GALNT2: variants seen among roughly 807,000 people sequenced by gnomAD.
The protein encoded by GALNT2 is UDP-GalNAc:polypeptide N-acetylgalactosaminyltransferase 2.
Under a neutral mutation model 81.4 loss-of-function variants are expected in GALNT2, and 31 were observed. The observed-to-expected ratio is 0.38, with a 90% confidence interval of 0.29 to 0.51. The LOEUF is 0.51. Ranked by LOEUF, GALNT2 falls within the 20% of genes least tolerant of loss-of-function variation. GALNT2 has a pLI of 0.87. For missense variants in GALNT2, 629 were observed against 765.7 expected (o/e 0.82, Z 2.11); for synonymous variants, 303 against 287.4 (o/e 1.05, Z -0.55).
intron 1 of GALNT2, among the ~76,000 whole-genome samples, chr1:230,145,420 C>G (rs1299285534): frequency 6.6e-6 from 1 of 152,220 alleles, no homozygotes; most frequent in Admixed American, 6.5e-5. Context: ...GGAAGCTCCC[C>G]CAAAGGAACC....
intron 2 of GALNT2, among the ~76,000 whole-genome samples, chr1:230,198,059 C>T (rs946543111): frequency 6.6e-6 from 1 of 152,216 alleles, no homozygotes; most frequent in Non-Finnish European, 1.5e-5. Context: ...CGGCACGCAG[C>T]GATGAGATGT....
At position 230,142,341 on chromosome 1, in the gene GALNT2, C is replaced by T. The variant is rs76769148; in HGVS notation, c.127-35877C>T. 7.2e-4 allele frequency among the ~76,000 whole-genome samples: 109 copies of T among 152,280 alleles called. 2 individuals are homozygous for T. In the East Asian group the frequency reaches 0.017, roughly 24 times the overall value. ...GGGTCTGCGAGAACTCCAGGTGGCT[C>T]TTAGAGTGGCACTGACCAAGTAGTC... On this transcript the variant is annotated intron_variant, in intron 1 of 15. Coordinates refer to ENST00000366672, the MANE Select transcript of GALNT2 (RefSeq NM_004481.5).
At chr1:230,140,066 C>G (rs1661681804) in intron 1 of GALNT2, among the ~76,000 whole-genome samples, 1 of 152,242 alleles carries the variant, frequency 6.6e-6, no homozygotes, top group African/African-American at 2.4e-5. Context: ...GTCCCTGCGT[C>G]AGCTGTACTG....
chr1:230,276,379 C>T (rs960430265), intron 15 of GALNT2, among the ~76,000 whole-genome samples: 5 of 152,092 alleles, frequency 3.3e-5, no homozygotes, highest in Admixed American at 6.5e-5. Flanking sequence ...TGCCCCTGTT[C>T]TTACAGTCGG....
chr1:230,203,776 A>G (rs1478454149), intron 3 of GALNT2, among the ~76,000 whole-genome samples: 1 of 152,212 alleles, frequency 6.6e-6, no homozygotes, highest in East Asian at 1.9e-4. Flanking sequence ...CAGGAGGGAC[A>G]GGTGCCACAT....
chr1:230,274,622 G>T (rs1666237283), intron 15 of GALNT2, 58 bp downstream of exon 15: 1 of 1,605,702 alleles, frequency 6.2e-7, no homozygotes, highest in South Asian at 1.1e-5. Flanking sequence ...GGTAGCCACG[G>T]CCTGCGCCCT....
chr1:230,129,375 AGG>A (rs1661295729), intron 1 of GALNT2, among the ~76,000 whole-genome samples: 1 of 152,198 alleles, frequency 6.6e-6, no homozygotes, highest in African/African-American at 2.4e-5. Flanking sequence ...TAGAATGCAG[AGG>A]CGTGATCGTA....
At chr1:230,148,901 C>CT (rs1231180242) in intron 1 of GALNT2, among the ~76,000 whole-genome samples, 1 of 150,834 alleles carries the variant, frequency 6.6e-6, no homozygotes, top group Admixed American at 6.6e-5. Context: ...TCCTCCCCAC[C>CT]TTTTTTTTAA....
intron 1 of GALNT2, among the ~76,000 whole-genome samples, chr1:230,114,622 T>C (rs1020690842): frequency 1.3e-5 from 2 of 152,182 alleles, no homozygotes; most frequent in African/African-American, 4.8e-5. Flanking sequence ...AAGTCCTGGA[T>C]GCCACCCGGC....
intron 1 of GALNT2, among the ~76,000 whole-genome samples, 197 bp from the exon 2 acceptor site, chr1:230,178,021 A>G (rs1019335895): frequency 1.3e-5 from 2 of 152,314 alleles, no homozygotes; most frequent in Admixed American, 6.5e-5. Context: ...GGTCATGCCC[A>G]TACTTTTCTC....
At chr1:230,106,758 C>T (rs1204285005) in intron 1 of GALNT2, among the ~76,000 whole-genome samples, 4 of 122,776 alleles carry the variant, frequency 3.3e-5, no homozygotes, top group African/African-American at 1.4e-4. Flanking sequence ...TGCTGGTGAG[C>T]TTGGGCAGTG....
At chr1:230,133,582 T>A (rs771838545) in intron 1 of GALNT2, among the ~76,000 whole-genome samples, 4 of 152,062 alleles carry the variant, frequency 2.6e-5, no homozygotes, top group Non-Finnish European at 4.4e-5. Context: ...GCCTCCAGAT[T>A]AGCTGGGATT....
intron 3 of GALNT2, among the ~76,000 whole-genome samples, chr1:230,211,986 G>A (rs4846934): frequency 0.33 from 50,791 of 151,986 alleles, 8,611 homozygotes; most frequent in African/African-American, 0.37. Flanking sequence ...TCACATTGTC[G>A]GTTGGAACAT....
chr1:230,176,752 AAT>A (rs772526805), intron 1 of GALNT2, among the ~76,000 whole-genome samples: 36 of 152,350 alleles, frequency 2.4e-4, no homozygotes, highest in Admixed American at 7.8e-4. Context: ...CCAAGTTATA[AAT>A]ATATCTTTTC....
chr1:230,243,452 G>T lies in GALNT2; in HGVS notation c.729+25G>T. 9 of 1,606,670 alleles carry T rather than the reference G, an allele frequency of 5.6e-6. No individual in the cohort carries two copies. Among genetic ancestry groups the T allele is most frequent in the Non-Finnish European group, 6.8e-6 (8 of 1,179,312 alleles). On this transcript the variant is annotated intron_variant, in intron 7 of 15. Transcript: ENST00000366672. The surrounding 1 kb of genome is among the most constrained non-coding windows in gnomAD (Gnocchi z 4.2). ...GGTGAGATGACGGGGGCTGGGAGGG[G>T]TGTCAGGTCGTGGGTGGTTGGTAGA...
upstream of GALNT2, among the ~76,000 whole-genome samples, chr1:230,065,425 A>ATGTG (rs756363475): frequency 6.6e-6 from 1 of 151,186 alleles, no homozygotes; most frequent in Non-Finnish European, 1.5e-5. Context: ...TATCCTAGAT[A>ATGTG]TGTGTGTGTG....
intron 1 of GALNT2, among the ~76,000 whole-genome samples, chr1:230,154,776 G>C (rs534233175): frequency 1.3e-5 from 2 of 152,262 alleles, no homozygotes; most frequent in South Asian, 4.1e-4. Context: ...GTCGCCCCTT[G>C]AGCGCAGACT....
chr1:230,134,765 G>A (rs1661483300), intron 1 of GALNT2, among the ~76,000 whole-genome samples: 1 of 152,208 alleles, frequency 6.6e-6, no homozygotes, highest in Non-Finnish European at 1.5e-5. Flanking sequence ...AGCAGGTGAG[G>A]TATCGGGGCA....
intron 1 of GALNT2, among the ~76,000 whole-genome samples, chr1:230,139,033 G>C (rs1193071349): frequency 1.3e-5 from 2 of 152,146 alleles, no homozygotes; most frequent in East Asian, 3.9e-4. Flanking sequence ...TCAAGATGGA[G>C]TCACTCTGGT....
Sources: gnomAD v4.1 joint callset for allele counts (sites outside exome capture counted in the v4.1 genomes callset) on GRCh38, gnomAD v4.1.1 for gene constraint, Gnocchi (gnomAD v3.1) non-coding constraint, MANE v1.5 for transcripts, NCBI Gene and HGNC (gene_info 2026-07-23, HGNC 2026-07-21) for gene names.